The following HNRNPCL1 variants were observed in gnomAD, a reference collection of about 807,000 sequenced individuals.
HNRNPCL1 encodes heterogeneous nuclear ribonucleoprotein C-like 1.
HNRNPCL1 carries 15 observed loss-of-function variants against 19.0 expected under a neutral mutation model. The observed-to-expected ratio is 0.79, with a 90% CI of 0.53 to 1.22. The LOEUF (loss-of-function observed/expected upper bound fraction) is 1.22. Among genes scored for constraint, HNRNPCL1 ranks in the 50% most tolerant of loss-of-function variants. The pLI, the probability that HNRNPCL1 is intolerant of heterozygous loss-of-function variation, is 0.00. For missense variants in HNRNPCL1, 327 were observed against 354.7 expected, an observed-to-expected ratio of 0.92 and a Z score of 0.63; for synonymous variants, 110 against 129.1, an observed-to-expected ratio of 0.85 and a Z score of 1.00.
Position 12,847,833 on chromosome 1 carries a change from A to T in HNRNPCL1, c.457T>A (p.Ser153Thr). ...TTGAAGCCACTTTTGCCCCTTCGTG[A>T]GGTGTTTCCTGATAGACGTTGACGT... The part of the protein sequence containing the change: ...SKRQRLSGNT[S>T]RRGKSGFNSK... Residue 153 changes from serine to threonine, a missense_variant, in exon 2 of 2, where the codon TCA becomes ACA. Physicochemically the swap from Ser to Thr is moderately conservative, Grantham distance 58. Around this residue, in one of 2 missense-constraint regions of HNRNPCL1, gnomAD observed 281 missense variants for 254.7 expected, o/e 1.10. Transcript: ENST00000317869. 1.2e-6 allele frequency: 2 copies of T among 1,606,498 alleles called. No individual in the cohort carries two copies. The highest frequency in any genetic ancestry group is 2.2e-5 in the East Asian group (1 of 44,670).
At position 12,848,071 on chromosome 1, in the gene HNRNPCL1, T is replaced by C; in HGVS notation, c.219A>G (p.Arg73=). 1 of 1,606,356 alleles carries C rather than the reference T, an allele frequency of 6.2e-7. No individual in the cohort carries two copies. Among genetic ancestry groups the C allele is most frequent in the African/African-American group, 1.3e-5 (1 of 74,210 alleles). Residue 73 remains arginine, a synonymous_variant, in exon 2 of 2, where the codon AGA becomes AGG. Transcript: ENST00000317869. ...ARAAVAGEDG[R]MIASQVVDIN... is the part of the protein sequence containing the mutation. The stretch of plus-strand genomic sequence containing the variant: ...TATCTACAACCTGGCTAGCAATCAT[T>C]CTGCCATCCTCTCCTGCTACAGCAG...
chr1:12,848,579 G>C, intron 1 of HNRNPCL1, 102 bp downstream of exon 1: 1 of 621,342 alleles, frequency 1.6e-6, no homozygotes, highest in Non-Finnish European at 2.6e-6. Flanking sequence ...AAGAAAAAAA[G>C]ACAGGATATA....
At position 12,848,014 on chromosome 1, in the gene HNRNPCL1, T is replaced by C. The variant is rs1263401916; in HGVS notation, c.276A>G (p.Arg92=). The change falls in exon 2 of 2, where the codon CGA becomes CGG. Residue 92 remains arginine, a synonymous_variant. Coordinates refer to ENST00000317869, the MANE Select transcript of HNRNPCL1 (RefSeq NM_001013631.3). ...CTGATCGTTTCACACCTGCGTTTCC[T>C]CGGTTCACTTTTGGCTCCGCAGCCA... The part of the protein sequence containing the change: ...INLAAEPKVN[R]GNAGVKRSAA... 2 of 1,607,460 alleles carry C rather than the reference T, an allele frequency of 1.2e-6. No homozygotes were observed.
Position 12,847,630 on chromosome 1 carries a change from T to G in HNRNPCL1, c.660A>C (p.Ser220=), listed in dbSNP as rs142509787. ...KQEVEVKNAK[S]EEEQSSSSMK... is the part of the protein sequence containing the mutation. The stretch of plus-strand genomic sequence containing the variant: ...TGGAGCTACTGCTCTGCTCCTCTTC[T>G]GACTTAGCATTTTTCACCTCTACCT... The change falls in exon 2 of 2, where the codon TCA becomes TCC. Residue 220 remains serine (S), a synonymous_variant. Transcript: ENST00000317869. 2.5e-6 allele frequency: 4 copies of G among 1,606,654 alleles called. 1 individual carries two copies. The African/African-American group carries it at 5.4e-5, about 22-fold the overall frequency.
chr1:12,847,995 G>T lies in HNRNPCL1; in HGVS notation c.295C>A (p.Arg99=), dbSNP rs140567799. The change falls in exon 2 of 2, where the codon CGA becomes AGA. Residue 99 remains arginine (R), a synonymous_variant. Coordinates refer to ENST00000317869, the MANE Select transcript of HNRNPCL1 (RefSeq NM_001013631.3). ...GAGCCGTACATCTCCGCTGCTGATC[G>T]TTTCACACCTGCGTTTCCTCGGTTC... ...KVNRGNAGVK[R]SAAEMYGSSF... 1 of 1,605,148 alleles carries T rather than the reference G, an allele frequency of 6.2e-7. No homozygotes were observed. Among genetic ancestry groups the T allele is most frequent in the Non-Finnish European group, 8.5e-7 (1 of 1,175,842 alleles).
In HNRNPCL1 at chr1:12,847,618, C is replaced by A; in HGVS notation, c.672G>T (p.Gln224His). The A allele has an allele frequency of 6.2e-7, 1 of 1,606,700 alleles. No homozygotes were observed. Residue 224 changes from glutamine (Q) to histidine (H), a missense_variant, in exon 2 of 2, where the codon CAG (glutamine) becomes CAT (histidine). Gln to His is a conservative substitution (Grantham distance 24, BLOSUM62 0). This residue lies in a region of HNRNPCL1 where 281 missense variants were observed against 254.7 expected (regional missense o/e 1.10). Transcript: ENST00000317869. ...EVKNAKSEEE[Q>H]SSSSMKKDET... is the part of the protein sequence containing the mutation. ...CATCTTTCTTCATGGAGCTACTGCT[C>A]TGCTCCTCTTCTGACTTAGCATTTT... is the stretch of plus-strand genomic sequence containing the variant.
In HNRNPCL1 at chr1:12,847,536, C is replaced by T; in HGVS notation, c.754G>A (p.Asp252Asn). ...GGAEDSAEEG[D>N]PLDDDVNEDQ... ...TCATTAACATCATCATCCAGTGGGTCCCCCTCCTCAGCAGAGTCTTCTGCA... is the reference window on the plus strand; with the variant it reads ...TCATTAACATCATCATCCAGTGGGTTCCCCTCCTCAGCAGAGTCTTCTGCA... Residue 252 changes from aspartate (D) to asparagine (N), a missense_variant, in exon 2 of 2, where the codon GAC becomes AAC. Physicochemically the swap from Asp to Asn is conservative, Grantham distance 23. Coordinates refer to ENST00000317869, the MANE Select transcript of HNRNPCL1 (RefSeq NM_001013631.3). The T allele has an allele frequency of 6.2e-7, 1 of 1,606,482 alleles. No individual in the cohort carries two copies. The highest frequency in any genetic ancestry group is 8.5e-7 in the Non-Finnish European group (1 of 1,176,594).
At chr1:12,848,651 G>T (rs894520674) in intron 1 of HNRNPCL1, 30 bp downstream of exon 1, 6 of 277,606 alleles carry the variant, frequency 2.2e-5, no homozygotes, top group African/African-American at 1.1e-4. Flanking sequence ...AGGTCAGATG[G>T]GAGTGTCCTT....
At chr1:12,848,599 C>T (rs78763332) in intron 1 of HNRNPCL1, 82 bp downstream of exon 1, 2 of 488,072 alleles carry the variant, frequency 4.1e-6, no homozygotes, top group Non-Finnish European at 6.8e-6. Flanking sequence ...AGTTCTGTGC[C>T]GTCGTAGGCT....
chr1:12,848,103 C>T lies in HNRNPCL1; in HGVS notation c.187G>A (p.Ala63Thr), dbSNP rs1247747639. 2 of 1,603,790 alleles carry T rather than the reference C, an allele frequency of 1.2e-6. No individual in the cohort carries two copies. The highest frequency in any genetic ancestry group is 2.2e-5 in the South Asian group (2 of 90,358). ...AFVQYDKEKN[A>T]RAAVAGEDGR... ...TCCTCTCCTGCTACAGCAGCCCGGG[C>T]ATTTTTCTCCTTATCATATTGAACG... The change falls in exon 2 of 2, where the codon GCC becomes ACC. Residue 63 changes from alanine to threonine, a missense_variant. Around this residue, in one of 2 missense-constraint regions of HNRNPCL1, gnomAD observed 46 missense variants for 100.0 expected, o/e 0.46. Coordinates refer to ENST00000317869, the MANE Select transcript of HNRNPCL1 (RefSeq NM_001013631.3).
rs1640310308 is a variant in HNRNPCL1 at position 12,848,482 on chromosome 1, T to C, written c.-181-12A>G. 2 of 1,015,698 alleles carry C rather than the reference T, an allele frequency of 2.0e-6. No individual in the cohort carries two copies. The allele number at this position is 1,015,698 out of a possible 1,614,324, so 62.9% of individuals were successfully genotyped here. A position where few individuals can be genotyped will look rare whatever the true frequency, so the allele number is the denominator to read the frequency against. On this transcript the variant is annotated splice_polypyrimidine_tract_variant and intron_variant, in intron 1 of 1. Transcript: ENST00000317869. Reference sequence around the variant, plus strand: ...TCCCAACAAGAATTCTGAAATGATGTAAAGAAAAGCACAACAACATTTTTG... The same window carrying C: ...TCCCAACAAGAATTCTGAAATGATGCAAAGAAAAGCACAACAACATTTTTG...
At position 12,848,228 on chromosome 1, in the gene HNRNPCL1, C is replaced by G. The variant is rs1165795357; in HGVS notation, c.62G>C (p.Gly21Ala). The change falls in exon 2 of 2, where the codon GGG becomes GCG. Residue 21 changes from glycine (G) to alanine (A), a missense_variant. Gly to Ala is a moderately conservative substitution (Grantham distance 60). Around this residue, in one of 2 missense-constraint regions of HNRNPCL1, gnomAD observed 46 missense variants for 100.0 expected, o/e 0.46. Coordinates refer to ENST00000317869, the MANE Select transcript of HNRNPCL1 (RefSeq NM_001013631.3). Reference sequence around the variant, plus strand: ...CTTGACAACAAGAGTGTTGAGATTCCCAATGAACACACGGGAGTTCATGGA... The same window carrying G: ...CTTGACAACAAGAGTGTTGAGATTCGCAATGAACACACGGGAGTTCATGGA... ...PHSMNSRVFI[G>A]NLNTLVVKKS... The G allele has an allele frequency of 1.9e-6, 3 of 1,554,288 alleles. No individual in the cohort carries two copies. Among genetic ancestry groups the G allele is most frequent in the Non-Finnish European group, 2.6e-6 (3 of 1,147,472 alleles).
rs545031916 is a variant in HNRNPCL1, at chr1:12,847,499, TC to T, written c.790del (p.Asp264MetfsTer6). On this transcript the variant is annotated frameshift_variant, in exon 2 of 2. Transcript: ENST00000317869. LOFTEE classifies it high-confidence loss of function. Reference protein sequence around the residue: ...LDDDVNEDQGDDQLELIKDDE... With the variant: ...LDDDVNEDQGXDQLELIKDDE... ...ATCCTTGATCAACTCCAGCTGGTCATCCCCCTGATCTTCATTAACATCATCA... is the reference window on the plus strand; with the variant it reads ...ATCCTTGATCAACTCCAGCTGGTCATCCCCTGATCTTCATTAACATCATCA... 845 of 1,606,556 alleles carry T rather than the reference TC, an allele frequency of 5.3e-4. 41 individuals carry two copies. In the African/African-American group the frequency reaches 0.011, roughly 20 times the overall value.
chr1:12,847,432 G>C lies in HNRNPCL1; in HGVS notation c.858C>G (p.Ser286Arg), dbSNP rs148930640. Residue 286 changes from serine to arginine, a missense_variant, in exon 2 of 2, where the codon AGC becomes AGG. Coordinates refer to ENST00000317869, the MANE Select transcript of HNRNPCL1 (RefSeq NM_001013631.3). Reference protein sequence around the residue: ...EAEEGEDDRDSTNGQDDS With the variant: ...EAEEGEDDRDRTNGQDDS ...CTTAAGAGTCATCCTGGCCATTGGTGCTGTCTCTGTCATCCTCTCCTTCCT... is the reference window on the plus strand; with the variant it reads ...CTTAAGAGTCATCCTGGCCATTGGTCCTGTCTCTGTCATCCTCTCCTTCCT... 1.7e-5 allele frequency: 28 copies of C among 1,606,872 alleles called. No homozygotes were observed. The highest frequency in any genetic ancestry group is 6.6e-5 in the South Asian group (6 of 90,476).
intron 1 of HNRNPCL1, 39 bp downstream of exon 1, chr1:12,848,642 G>A (rs1460396815): frequency 3.3e-5 from 10 of 302,732 alleles, no homozygotes; most frequent in African/African-American, 1.3e-4. Context: ...GCTGACTGTA[G>A]GTCAGATGGG....
At position 12,847,410 on chromosome 1, in the gene HNRNPCL1, A is replaced by T. The variant is rs370005849; in HGVS notation, c.880T>A (p.Ter294LysextTer?). 7.1e-5 allele frequency: 114 copies of T among 1,606,736 alleles called. 5 individuals carry two copies. The highest frequency in any genetic ancestry group is 1.6e-4 in the Middle Eastern group (1 of 6,068). Residue 294 changes from the stop codon to lysine (K), a stop_lost, in exon 2 of 2, where the codon TAA (stop) becomes AAA (lysine). Transcript: ENST00000317869. ...RDSTNGQDDS* is the reference protein window; with the variant it reads ...RDSTNGQDDSK Reference sequence around the variant, plus strand: ...GATTTCTCAACCCCACTATGTGCTTAAGAGTCATCCTGGCCATTGGTGCTG... The same window carrying T: ...GATTTCTCAACCCCACTATGTGCTTTAGAGTCATCCTGGCCATTGGTGCTG...
In HNRNPCL1 at chr1:12,847,471, AT is replaced by A. The variant is rs762246925; in HGVS notation, c.818del (p.Asp273ValfsTer?). 7 of 1,606,456 alleles carry A rather than the reference AT, an allele frequency of 4.4e-6. No individual in the cohort carries two copies. The highest frequency in any genetic ancestry group is 4.2e-6 in the Non-Finnish European group (5 of 1,176,672). ...GDDQLELIKD[D>X]EKEAEEGEDD... ...CCTCTCCTTCCTCAGCCTCTTTTTC[AT>A]CATCCTTGATCAACTCCAGCTGGTC... On this transcript the variant is annotated frameshift_variant, in exon 2 of 2. Coordinates refer to ENST00000317869, the MANE Select transcript of HNRNPCL1 (RefSeq NM_001013631.3). LOFTEE classifies it high-confidence loss of function.
Position 12,847,931 on chromosome 1 carries a change from T to C in HNRNPCL1, c.359A>G (p.Tyr120Cys). 6.2e-7 allele frequency: 1 copy of C among 1,607,036 alleles called. No individual in the cohort carries two copies. Among genetic ancestry groups the C allele is most frequent in the Non-Finnish European group, 8.5e-7 (1 of 1,176,666 alleles). Residue 120 changes from tyrosine to cysteine, a missense_variant, in exon 2 of 2, where the codon TAT becomes TGT. Coordinates refer to ENST00000317869, the MANE Select transcript of HNRNPCL1 (RefSeq NM_001013631.3). Reference sequence around the variant, plus strand: ...TGCTGGGAAACTGTACATTCCATCATAATAATCCCGTTGAAAGCCATAGTC... The same window carrying C: ...TGCTGGGAAACTGTACATTCCATCACAATAATCCCGTTGAAAGCCATAGTC... Reference protein sequence around the residue: ...DLDYGFQRDYYDGMYSFPARV... With the variant: ...DLDYGFQRDYCDGMYSFPARV...
Position 12,847,604 on chromosome 1 carries a change from A to G in HNRNPCL1, c.686T>C (p.Met229Thr), listed in dbSNP as rs9724654. The change falls in exon 2 of 2, where the codon ATG (methionine) becomes ACG (threonine). Residue 229 changes from methionine to threonine, a missense_variant. Coordinates refer to ENST00000317869, the MANE Select transcript of HNRNPCL1 (RefSeq NM_001013631.3). ...CTTCACATGAGTCTCATCTTTCTTC[A>G]TGGAGCTACTGCTCTGCTCCTCTTC... ...KSEEEQSSSS[M>T]KKDETHVKME... 9,969 of 1,606,250 alleles carry G rather than the reference A, an allele frequency of 6.2e-3. 476 individuals carry two copies. The highest frequency in any genetic ancestry group is 7.6e-3 in the Non-Finnish European group (8,899 of 1,176,418).
Sources: allele counts gnomAD v4.1 joint callset, GRCh38; gene constraint gnomAD v4.1.1; regional missense constraint gnomAD v4.1.1; transcripts MANE v1.5; gene names NCBI Gene and HGNC (gene_info 2026-07-23, HGNC 2026-07-21).